STXBP5L: variants seen among roughly 807,000 people sequenced by gnomAD.
STXBP5L encodes syntaxin-binding protein 5-like.
Under a neutral mutation model 144.5 loss-of-function variants are expected in STXBP5L, and 65 were observed. The ratio of observed to expected loss-of-function variants is 0.45; its 90% CI spans 0.37 to 0.55. The LOEUF is 0.55. Ranked by LOEUF, STXBP5L falls within the 20% of genes least tolerant of loss-of-function variation. STXBP5L has a pLI of 0.00. For missense variants in STXBP5L, 1,298 were observed against 1,405.5 expected, an observed-to-expected ratio of 0.92 and a Z score of 1.22; for synonymous variants, 505 against 469.6, an observed-to-expected ratio of 1.08 and a Z score of -0.97.
intron 3 of STXBP5L, among the ~76,000 whole-genome samples, chr3:120,962,501 C>A (rs1335642713): frequency 1.3e-5 from 2 of 152,180 alleles, no homozygotes; most frequent in Admixed American, 6.5e-5. Flanking sequence ...ATATGGCTAG[C>A]CAGTTTTCCC....
Position 121,113,964 on chromosome 3 carries a change from G to A in STXBP5L, c.471-961G>A, listed in dbSNP as rs111589677. The stretch of plus-strand genomic sequence containing the variant: ...TTGGATTACAGGCATGAGCCACCGC[G>A]CCTGGCCTTTTTATTCTTATATAAA... On this transcript the variant is annotated intron_variant, in intron 5 of 26. Transcript: ENST00000471454. 2.6e-3 allele frequency among the ~76,000 whole-genome samples: 389 copies of A among 152,088 alleles called. 2 individuals carry two copies. Among genetic ancestry groups the A allele is most frequent in the African/African-American group, 8.7e-3 (361 of 41,520 alleles).
chr3:121,007,330 G>T (rs1279157714), intron 3 of STXBP5L, among the ~76,000 whole-genome samples: 2 of 151,812 alleles, frequency 1.3e-5, no homozygotes, highest in Non-Finnish European at 2.9e-5. Flanking sequence ...AAGAATATTT[G>T]TCTGTAGCTT....
In STXBP5L at chr3:121,319,364, C is replaced by T. The variant is rs192985831; in HGVS notation, c.2176+824C>T. Among the ~76,000 whole-genome samples, 108 of 152,176 alleles carry T rather than the reference C, an allele frequency of 7.1e-4. 1 individual carries two copies. Among genetic ancestry groups the T allele is most frequent in the African/African-American group, 2.0e-3 (85 of 41,558 alleles). On this transcript the variant is annotated intron_variant, in intron 20 of 26. Transcript: ENST00000471454. ...GTTTAATAATGCCATTATAAAGCAA[C>T]GAATTTGGACTTGTAGAAATTAATT...
At chr3:120,952,255 A>G (rs1011045737) in intron 2 of STXBP5L, among the ~76,000 whole-genome samples, 1 of 152,094 alleles carries the variant, frequency 6.6e-6, no homozygotes, top group African/African-American at 2.4e-5. Flanking sequence ...CAGAGATTGC[A>G]TTGATTTTAA....
Position 121,344,959 on chromosome 3 carries a change from G to A in STXBP5L, c.2176+26419G>A, listed in dbSNP as rs138685339. On this transcript the variant is annotated intron_variant, in intron 20 of 26. Transcript: ENST00000471454. The stretch of plus-strand genomic sequence containing the variant: ...ATAAGATCTTTAATTATATATATAA[G>A]ATTATATATATATACACATTTTTGT... Among the ~76,000 whole-genome samples, 375 of 149,716 alleles carry A rather than the reference G, an allele frequency of 2.5e-3. 2 individuals are homozygous for A. Among genetic ancestry groups the A allele is most frequent in the African/African-American group, 8.6e-3 (352 of 40,950 alleles).
At chr3:121,103,033 T>C (rs2043508211) in intron 5 of STXBP5L, among the ~76,000 whole-genome samples, 3 of 152,098 alleles carry the variant, frequency 2.0e-5, no homozygotes, top group Admixed American at 1.3e-4. Flanking sequence ...ATGGCTATTA[T>C]TAAAAAGTCT....
intron 3 of STXBP5L, among the ~76,000 whole-genome samples, chr3:120,973,790 G>T (rs542762083): frequency 2.2e-4 from 33 of 151,552 alleles, no homozygotes; most frequent in African/African-American, 7.8e-4. Flanking sequence ...GAGAACATGC[G>T]GTGTTTGGTT....
intron 9 of STXBP5L, among the ~76,000 whole-genome samples, chr3:121,188,856 T>C (rs1196060509): frequency 1.3e-5 from 2 of 152,208 alleles, no homozygotes; most frequent in Non-Finnish European, 2.9e-5. Flanking sequence ...AATATCATAC[T>C]GAATGGGCAA....
chr3:121,228,180 A>G (rs2049183244), intron 11 of STXBP5L, among the ~76,000 whole-genome samples: 1 of 152,226 alleles, frequency 6.6e-6, no homozygotes, highest in Non-Finnish European at 1.5e-5. Context: ...ACATGGATGT[A>G]AAAACCTTAA....
intron 5 of STXBP5L, among the ~76,000 whole-genome samples, chr3:121,058,230 G>C (rs931640094): frequency 6.6e-6 from 1 of 152,074 alleles, no homozygotes; most frequent in Non-Finnish European, 1.5e-5. Context: ...GCGGTGTTTG[G>C]TTTTCTGTTC....
chr3:121,361,909 G>A (rs1483000375), intron 20 of STXBP5L, among the ~76,000 whole-genome samples: 1 of 152,094 alleles, frequency 6.6e-6, no homozygotes, highest in Non-Finnish European at 1.5e-5. Context: ...AGTCTTCATG[G>A]TTGGGTCTTA....
chr3:121,104,275 A>C (rs1005441282), intron 5 of STXBP5L, among the ~76,000 whole-genome samples: 1 of 152,224 alleles, frequency 6.6e-6, no homozygotes. Flanking sequence ...AACACATCTC[A>C]TGCTCATGGA....
intron 3 of STXBP5L, among the ~76,000 whole-genome samples, chr3:121,007,138 A>G (rs2108098021): frequency 6.6e-6 from 1 of 152,210 alleles, no homozygotes; most frequent in South Asian, 2.1e-4. Flanking sequence ...TTTAAAAGTT[A>G]TTGAAATTAT....
rs560381901 is a variant in STXBP5L at position 121,298,893 on chromosome 3, G to A, written c.2110+18937G>A. Among the ~76,000 whole-genome samples, 3 of 152,310 alleles carry A rather than the reference G, an allele frequency of 2.0e-5. No homozygotes were observed. In the East Asian group the frequency reaches 5.8e-4, roughly 29 times the overall value. Reference sequence around the variant, plus strand: ...TAATGTACACTGAAAAATTTGTTTAGAAGGTAGATTTCATGTTGTGTGTTT... The same window carrying A: ...TAATGTACACTGAAAAATTTGTTTAAAAGGTAGATTTCATGTTGTGTGTTT... On this transcript the variant is annotated intron_variant, in intron 19 of 26. Transcript: ENST00000471454.
At chr3:121,319,885 G>A (rs1418552830) in intron 20 of STXBP5L, among the ~76,000 whole-genome samples, 2 of 152,162 alleles carry the variant, frequency 1.3e-5, no homozygotes, top group East Asian at 1.9e-4. Flanking sequence ...GGGAGGCCAA[G>A]GGGGGAGGAT....
chr3:121,252,508 A>C (rs1358581346), intron 15 of STXBP5L, among the ~76,000 whole-genome samples: 1 of 152,230 alleles, frequency 6.6e-6, no homozygotes, highest in Non-Finnish European at 1.5e-5. Flanking sequence ...TAAATATTTT[A>C]TCACATTTAG....
intron 1 of STXBP5L, among the ~76,000 whole-genome samples, chr3:120,908,639 G>A (rs991825466): frequency 6.6e-6 from 1 of 151,482 alleles, no homozygotes; most frequent in African/African-American, 2.4e-5. Flanking sequence ...GAGGGACAGC[G>A]GGAGCGGCGG....
rs1194046289 is a variant in STXBP5L at position 121,000,952 on chromosome 3, T to A, written c.288-40748T>A. ...TGCTGGGATCAAGCCTATGGCTTTGTTCTCTGGCTTCTCAAAGTTAACCAT... is the reference window on the plus strand; with the variant it reads ...TGCTGGGATCAAGCCTATGGCTTTGATCTCTGGCTTCTCAAAGTTAACCAT... On this transcript the variant is annotated intron_variant, in intron 3 of 26. Transcript: ENST00000471454. Among the ~76,000 whole-genome samples, 5 of 152,328 alleles carry A rather than the reference T, an allele frequency of 3.3e-5. No individual in the cohort carries two copies. In the South Asian group the frequency reaches 1.0e-3, roughly 32 times the overall value.
chr3:121,205,034 A>G (rs1410573357), intron 9 of STXBP5L, among the ~76,000 whole-genome samples: 2 of 152,204 alleles, frequency 1.3e-5, no homozygotes, highest in Admixed American at 1.3e-4. Flanking sequence ...TTAAAAATGT[A>G]TTTGATAGAA....
Sources: gnomAD v4.1 joint callset for allele counts (sites outside exome capture counted in the v4.1 genomes callset) on GRCh38, gnomAD v4.1.1 for gene constraint, MANE v1.5 for transcripts, NCBI Gene and HGNC (gene_info 2026-07-23, HGNC 2026-07-21) for gene names.